The following RTL6 variants were observed in gnomAD, a reference collection of about 807,000 sequenced individuals.
RTL6 encodes the protein retrotransposon Gag-like protein 6.
A neutral mutation model predicts 12.4 loss-of-function variants in RTL6; 9 were observed. The observed-to-expected ratio is 0.73, with a 90% CI of 0.44 to 1.27. RTL6 has a LOEUF of 1.27. Ranked by LOEUF, RTL6 falls within the 50% of genes most tolerant of loss-of-function variation. RTL6 has a pLI of 0.00. For missense variants in RTL6, 291 were observed against 330.7 expected (o/e 0.88, Z 0.93); for synonymous variants, 160 against 142.8 (o/e 1.12, Z -0.86).
Position 44,495,987 on chromosome 22 carries a change from G to A in RTL6, c.*850C>T, listed in dbSNP as rs1297163104. On this transcript the variant is annotated 3_prime_UTR_variant, in exon 2 of 2. Coordinates refer to ENST00000341255, the MANE Select transcript of RTL6 (RefSeq NM_032287.3). ...AGTCGCTGGTATCCACCCTTAGCCTGCTATGACCCTCAGGCGTGGGTGTGT... is the reference window on the plus strand; with the variant it reads ...AGTCGCTGGTATCCACCCTTAGCCTACTATGACCCTCAGGCGTGGGTGTGT... 1 of 152,278 alleles carries A rather than the reference G, an allele frequency of 6.6e-6. No homozygotes were observed. Among genetic ancestry groups the A allele is most frequent in the Non-Finnish European group, 1.5e-5 (1 of 68,090 alleles). The allele number at this position is 152,278 out of a possible 1,614,324, so 9.4% of individuals were successfully genotyped here.
rs1924507612 is a variant in RTL6, at chr22:44,498,025, G to A, written c.-256+19C>T. ...CAGTGGCGGGGCCCGGCCGGGCAGGGGGCCGGGGGCACGCGTACCTGGGGT... is the reference window on the plus strand; with the variant it reads ...CAGTGGCGGGGCCCGGCCGGGCAGGAGGCCGGGGGCACGCGTACCTGGGGT... On this transcript the variant is annotated intron_variant, in intron 1 of 1. Coordinates refer to ENST00000341255, the MANE Select transcript of RTL6 (RefSeq NM_032287.3). The A allele has an allele frequency of 6.6e-6, 1 of 151,586 alleles. No individual in the cohort carries two copies. The highest frequency in any genetic ancestry group is 2.4e-5 in the African/African-American group (1 of 41,374). The allele number at this position is 151,586 out of a possible 1,614,324, so 9.4% of individuals were successfully genotyped here. A position where few individuals can be genotyped will look rare whatever the true frequency, so the allele number is the denominator to read the frequency against.
intron 1 of RTL6, 30 bp from the exon 2 acceptor site, chr22:44,497,841 G>C: frequency 2.5e-6 from 1 of 399,072 alleles, no homozygotes; most frequent in Non-Finnish European, 4.7e-6. Flanking sequence ...TGTTTTCAAG[G>C]TTTCAGTTGC....
chr22:44,493,833 G>A lies in RTL6; in HGVS notation c.*3004C>T, dbSNP rs1924369166. On this transcript the variant is annotated 3_prime_UTR_variant, in exon 2 of 2. Coordinates refer to ENST00000341255, the MANE Select transcript of RTL6 (RefSeq NM_032287.3). ...CTCCCCTACAGGCTGGAACTGCCAGGGTGGTGCCCACCCAAGGCGGCTGTC... is the reference window on the plus strand; with the variant it reads ...CTCCCCTACAGGCTGGAACTGCCAGAGTGGTGCCCACCCAAGGCGGCTGTC... 6.6e-6 allele frequency: 1 copy of A among 152,242 alleles called. No individual in the cohort carries two copies. The highest frequency in any genetic ancestry group is 6.5e-5 in the Admixed American group (1 of 15,284). 9.4% of individuals were successfully genotyped at this position (152,242 alleles called of 1,614,324 possible).
rs940661178 is a variant in RTL6, at chr22:44,496,854, G to C, written c.703C>G (p.Arg235Gly). 4.5e-6 allele frequency: 7 copies of C among 1,559,556 alleles called. No homozygotes were observed. Among genetic ancestry groups the C allele is most frequent in the Middle Eastern group, 3.5e-4 (2 of 5,728 alleles). Residue 235 changes from arginine to glycine, a missense_variant, in exon 2 of 2, where the codon CGA becomes GGA. Transcript: ENST00000341255. ...GTSPAPALPA[R>G]ARNL ...GCGGATTCTTAAAGATTCCGTGCTCGGGCAGGCAGGGCTGGCGCTGGACTA... is the reference window on the plus strand; with the variant it reads ...GCGGATTCTTAAAGATTCCGTGCTCCGGCAGGCAGGGCTGGCGCTGGACTA...
chr22:44,496,927 G>C lies in RTL6; in HGVS notation c.630C>G (p.Ala210=), dbSNP rs1160911364. The change falls in exon 2 of 2, where the codon GCC becomes GCG. Residue 210 remains alanine, a synonymous_variant. Coordinates refer to ENST00000341255, the MANE Select transcript of RTL6 (RefSeq NM_032287.3). ...RERQMLCRQL[A]SAGTGPCPVH... The stretch of plus-strand genomic sequence containing the variant: ...CTGGGCAAGGCCCCGTGCCCGCAGA[G>C]GCCAGCTGGCGGCAGAGCATCTGCC... The C allele has an allele frequency of 6.2e-7, 1 of 1,613,122 alleles. No homozygotes were observed. Among genetic ancestry groups the C allele is most frequent in the African/African-American group, 1.3e-5 (1 of 74,926 alleles).
In RTL6 at chr22:44,497,501, T is replaced by C. The variant is rs2147404245; in HGVS notation, c.56A>G (p.Asn19Ser). 1.9e-6 allele frequency: 3 copies of C among 1,614,136 alleles called. No individual in the cohort carries two copies. Among genetic ancestry groups the C allele is most frequent in the Non-Finnish European group, 2.5e-6 (3 of 1,180,022 alleles). The change falls in exon 2 of 2, where the codon AAT becomes AGT. Residue 19 changes from asparagine (N) to serine (S), a missense_variant. By Grantham distance (46) the Asn-to-Ser change is conservative. Around this residue, in one of 3 missense-constraint regions of RTL6, gnomAD observed 155 missense variants for 149.2 expected, o/e 1.04. Transcript: ENST00000341255. ...GTCAATAACGTCATCCATCTGGGCATTCGGAGACGCTGCCAAGGCTGGGCT... is the reference window on the plus strand; with the variant it reads ...GTCAATAACGTCATCCATCTGGGCACTCGGAGACGCTGCCAAGGCTGGGCT... ...AESPALAASP[N>S]AQMDDVIDTL...
chr22:44,497,733 G>A lies in RTL6; in HGVS notation c.-177C>T. On this transcript the variant is annotated 5_prime_UTR_variant, in exon 2 of 2. Transcript: ENST00000341255. ...GCGGTGCCAGGCCCTAGGGACTTCG[G>A]CCCCGGTCCCACGCGGCTCCTTTAC... The A allele has an allele frequency of 1.2e-6, 1 of 801,016 alleles. No individual in the cohort carries two copies. Among genetic ancestry groups the A allele is most frequent in the East Asian group, 2.7e-5 (1 of 36,714 alleles). The allele number at this position is 801,016 out of a possible 1,614,324, so 49.6% of individuals were successfully genotyped here.
At position 44,492,594 on chromosome 22, in the gene RTL6, A is replaced by G. The variant is rs1924335211; in HGVS notation, c.*4243T>C. On this transcript the variant is annotated 3_prime_UTR_variant, in exon 2 of 2. Coordinates refer to ENST00000341255, the MANE Select transcript of RTL6 (RefSeq NM_032287.3). ...AGCTGTAGCAAATATGACACACACC[A>G]GGTTAATATCTTTAATATATACCGA... The G allele has an allele frequency of 1.3e-5, 2 of 152,248 alleles. No individual in the cohort carries two copies. The highest frequency in any genetic ancestry group is 4.1e-4 in the South Asian group (2 of 4,832). 9.4% of individuals were successfully genotyped at this position (152,248 alleles called of 1,614,324 possible).
chr22:44,495,948 TG>T lies in RTL6; in HGVS notation c.*888del, dbSNP rs1483735595. The T allele has an allele frequency of 6.6e-6, 1 of 152,300 alleles. No individual in the cohort carries two copies. Among genetic ancestry groups the T allele is most frequent in the Admixed American group, 6.5e-5 (1 of 15,280 alleles). The allele number at this position is 152,300 out of a possible 1,614,324, so 9.4% of individuals were successfully genotyped here. On this transcript the variant is annotated 3_prime_UTR_variant, in exon 2 of 2. Transcript: ENST00000341255. ...GCTGTGGCACTGCCCATGGAGATCC[TG>T]GGCAGCAAAGGGAGTCGCTGGTATC...
chr22:44,494,300 TC>T lies in RTL6; in HGVS notation c.*2536del, dbSNP rs1401467739. 1 of 152,216 alleles carries T rather than the reference TC, an allele frequency of 6.6e-6. No individual in the cohort carries two copies. Among genetic ancestry groups the T allele is most frequent in the African/African-American group, 2.4e-5 (1 of 41,444 alleles). 9.4% of individuals were successfully genotyped at this position (152,216 alleles called of 1,614,324 possible). ...CAAAATATGTACAAAGCATCTCCCT[TC>T]CCCCACTTTCTTAGCCTGATCCCCT... is the stretch of plus-strand genomic sequence containing the variant. On this transcript the variant is annotated 3_prime_UTR_variant, in exon 2 of 2. Coordinates refer to ENST00000341255, the MANE Select transcript of RTL6 (RefSeq NM_032287.3).
Position 44,493,245 on chromosome 22 carries a change from C to G in RTL6, c.*3592G>C, listed in dbSNP as rs1924352747. The G allele has an allele frequency of 6.6e-6, 1 of 152,134 alleles. No individual in the cohort carries two copies. The highest frequency in any genetic ancestry group is 2.1e-4 in the South Asian group (1 of 4,824). The allele number at this position is 152,134 out of a possible 1,614,324, so 9.4% of individuals were successfully genotyped here. On this transcript the variant is annotated 3_prime_UTR_variant, in exon 2 of 2. Transcript: ENST00000341255. Reference sequence around the variant, plus strand: ...GTTGGGGGGGAAAGCCTGAGAGACACCAAAATGTGATGTTTTATTTCCTTC... The same window carrying G: ...GTTGGGGGGGAAAGCCTGAGAGACAGCAAAATGTGATGTTTTATTTCCTTC...
rs377240638 is a variant in RTL6, at chr22:44,497,579, G to A, written c.-23C>T. 3.9e-5 allele frequency: 63 copies of A among 1,608,718 alleles called. No homozygotes were observed. In the African/African-American group the frequency reaches 6.5e-4, roughly 17 times the overall value. ...CATGCTGGCCAGAGGTCAGCCACAC[G>A]CTGAGATCCGCGGGTGGACCAAGAG... On this transcript the variant is annotated 5_prime_UTR_variant, in exon 2 of 2. Transcript: ENST00000341255.
rs1423042170 is a variant in RTL6, at chr22:44,493,390, T to G, written c.*3447A>C. ...GCACACGGAAGTGAGGAGCTGGGTT[T>G]CCTCCCATCTCTACCGCATCTGCGC... On this transcript the variant is annotated 3_prime_UTR_variant, in exon 2 of 2. Transcript: ENST00000341255. 2.0e-5 allele frequency: 3 copies of G among 152,144 alleles called. No individual in the cohort carries two copies. The highest frequency in any genetic ancestry group is 7.2e-5 in the African/African-American group (3 of 41,402). The allele number at this position is 152,144 out of a possible 1,614,324, so 9.4% of individuals were successfully genotyped here.
In RTL6 at chr22:44,498,031, G is replaced by C. The variant is rs932361634; in HGVS notation, c.-256+13C>G. 1 of 151,536 alleles carries C rather than the reference G, an allele frequency of 6.6e-6. No homozygotes were observed. The highest frequency in any genetic ancestry group is 2.4e-5 in the African/African-American group (1 of 41,354). 9.4% of individuals were successfully genotyped at this position (151,536 alleles called of 1,614,324 possible). Reference sequence around the variant, plus strand: ...CGGGGCCCGGCCGGGCAGGGGGCCGGGGGCACGCGTACCTGGGGTCTCGCG... The same window carrying C: ...CGGGGCCCGGCCGGGCAGGGGGCCGCGGGCACGCGTACCTGGGGTCTCGCG... On this transcript the variant is annotated intron_variant, in intron 1 of 1. Coordinates refer to ENST00000341255, the MANE Select transcript of RTL6 (RefSeq NM_032287.3).
In RTL6 at chr22:44,495,663, C is replaced by CG. The variant is rs914201961; in HGVS notation, c.*1173_*1174insC. On this transcript the variant is annotated 3_prime_UTR_variant, in exon 2 of 2. Transcript: ENST00000341255. ...TGGCTGGGTTGCCAGAGGCAGACAC[C>CG]CCCCCCGGCCTTAAGTGCTTAAGGA... The CG allele has an allele frequency of 2.6e-5, 4 of 151,230 alleles. No individual in the cohort carries two copies. The highest frequency in any genetic ancestry group is 5.9e-5 in the Non-Finnish European group (4 of 67,818). 9.4% of individuals were successfully genotyped at this position (151,230 alleles called of 1,614,324 possible). A position where few individuals can be genotyped will look rare whatever the true frequency, so the allele number is the denominator to read the frequency against.
Position 44,497,367 on chromosome 22 carries a change from G to C in RTL6, c.190C>G (p.Leu64Val), listed in dbSNP as rs1395567128. 1.9e-6 allele frequency: 3 copies of C among 1,613,234 alleles called. No individual in the cohort carries two copies. The East Asian group carries it at 6.7e-5, about 36-fold the overall frequency. ...TNMLESVMAE[L>V]TLLRTRARIP... ...CGCGCCCTGGTGCGTAACAAGGTCA[G>C]CTCTGCCATCACGCTCTCCAGCATG... Residue 64 changes from leucine (L) to valine (V), a missense_variant, in exon 2 of 2, where the codon CTG becomes GTG. Transcript: ENST00000341255.
Position 44,493,241 on chromosome 22 carries a change from GAC to G in RTL6, c.*3594_*3595del, listed in dbSNP as rs1366382191. On this transcript the variant is annotated 3_prime_UTR_variant, in exon 2 of 2. Transcript: ENST00000341255. ...CATAGTTGGGGGGGAAAGCCTGAGAGACACCAAAATGTGATGTTTTATTTCCT... is the reference window on the plus strand; with the variant it reads ...CATAGTTGGGGGGGAAAGCCTGAGAGACCAAAATGTGATGTTTTATTTCCT... The G allele has an allele frequency of 6.6e-6, 1 of 152,224 alleles. No homozygotes were observed. The highest frequency in any genetic ancestry group is 2.4e-5 in the African/African-American group (1 of 41,458). The allele number at this position is 152,224 out of a possible 1,614,324, so 9.4% of individuals were successfully genotyped here.
chr22:44,497,689 G>C lies in RTL6; in HGVS notation c.-133C>G. ...GGGCGCTGCGAGACCCCCAAGCCGA[G>C]GGCCCGAGAGAGGGGCACGCGGTGC... is the stretch of plus-strand genomic sequence containing the variant. On this transcript the variant is annotated 5_prime_UTR_variant, in exon 2 of 2. Transcript: ENST00000341255. The C allele has an allele frequency of 2.4e-6, 3 of 1,270,016 alleles. No homozygotes were observed. The highest frequency in any genetic ancestry group is 3.2e-6 in the Non-Finnish European group (3 of 933,848). 78.7% of individuals were successfully genotyped at this position (1,270,016 alleles called of 1,614,324 possible).
chr22:44,498,216 G>C lies in RTL6; in HGVS notation c.-428C>G, dbSNP rs932391394. ...GATGGCGGCGGGCGGCCTCCGGCAG[G>C]TGCAGGGACCGGGCCAGGCCGGGGC... On this transcript the variant is annotated 5_prime_UTR_variant, in exon 1 of 2. Transcript: ENST00000341255. The C allele has an allele frequency of 7.9e-5, 12 of 151,850 alleles. No homozygotes were observed. The highest frequency in any genetic ancestry group is 2.7e-4 in the African/African-American group (11 of 41,348). 9.4% of individuals were successfully genotyped at this position (151,850 alleles called of 1,614,324 possible).
Sources: allele counts gnomAD v4.1 joint callset, GRCh38; gene constraint gnomAD v4.1.1; regional missense constraint gnomAD v4.1.1; transcripts MANE v1.5; gene names NCBI Gene and HGNC (gene_info 2026-07-23, HGNC 2026-07-21).